Variants in PARP9 observed in about 807,000 individuals in gnomAD.
The protein encoded by PARP9 is protein mono-ADP-ribosyltransferase PARP9.
A neutral mutation model predicts 68.8 loss-of-function variants in PARP9; 48 were observed. The ratio of observed to expected loss-of-function variants is 0.70; its 90% CI spans 0.55 to 0.89. The LOEUF (loss-of-function observed/expected upper bound fraction) is 0.89, where lower values mean the gene tolerates loss of function less well. Ranked by LOEUF, PARP9 falls within the 40% of genes least tolerant of loss-of-function variation. The probability of loss-of-function intolerance (pLI) is 0.00; values close to 1 mark genes in which losing one functional copy is unlikely to be tolerated. For missense variants in PARP9, 806 were observed against 969.3 expected (o/e 0.83, Z 2.24); for synonymous variants, 309 against 333.8 (o/e 0.93, Z 0.81).
rs760720869 is a variant in PARP9, at chr3:122,555,971, C to T, written c.200G>A (p.Gly67Asp). 1 of 1,613,800 alleles carries T rather than the reference C, an allele frequency of 6.2e-7. No homozygotes were observed. Among genetic ancestry groups the T allele is most frequent in the Non-Finnish European group, 8.5e-7 (1 of 1,179,964 alleles). Residue 67 changes from glycine (G) to aspartate (D), a missense_variant, in exon 4 of 11, where the codon GGC becomes GAC. Transcript: ENST00000682323. Reference sequence around the variant, plus strand: ...GAACACTTGCAGAGATTTGCTGTTGCCTTCCTGAACTGGAGAGACCAGGGT... The same window carrying T: ...GAACACTTGCAGAGATTTGCTGTTGTCTTCCTGAACTGGAGAGACCAGGGT... Reference protein sequence around the residue: ...ISTLVSPVQEGNSKSLQVFRK... With the variant: ...ISTLVSPVQEDNSKSLQVFRK...
At chr3:122,564,607 A>G (rs772325494), upstream of PARP9, 2 of 1,589,528 alleles carry the variant, frequency 1.3e-6, no homozygotes, top group African/African-American at 2.8e-5. Flanking sequence ...GTTCAGTGAA[A>G]GGGCAGGTGA....
In PARP9 at chr3:122,546,993, T is replaced by A. The variant is rs1261141242; in HGVS notation, c.1327-1504A>T. 2.7e-5 allele frequency among the ~76,000 whole-genome samples: 3 copies of A among 112,326 alleles called. No homozygotes were observed. In the Admixed American group the frequency reaches 2.7e-4, roughly 10 times the overall value. The allele number at this position is 112,326 out of a possible 152,430, so 73.7% of individuals were successfully genotyped here. On this transcript the variant is annotated intron_variant, in intron 6 of 10. Coordinates refer to ENST00000682323, the MANE Select transcript of PARP9 (RefSeq NM_001146105.2). ...CTATATATATATATATATATATATATATATATATATATATATATATACACA... is the reference window on the plus strand; with the variant it reads ...CTATATATATATATATATATATATAAATATATATATATATATATATACACA...
chr3:122,540,600 C>T lies in PARP9; in HGVS notation c.1637G>A (p.Arg546Lys), dbSNP rs1170484985. The T allele has an allele frequency of 6.2e-7, 1 of 1,614,144 alleles. No individual in the cohort carries two copies. Among genetic ancestry groups the T allele is most frequent in the East Asian group, 2.2e-5 (1 of 44,888 alleles). ...VSITEIISPGRTELEIEGARA... is the reference protein window; with the variant it reads ...VSITEIISPGKTELEIEGARA... ...GGCTCCTTCAATCTCTAACTCTGTC[C>T]TTCCTGGGCTGATAATTTCTGTGAT... The change falls in exon 8 of 11, where the codon AGG (arginine) becomes AAG (lysine). Residue 546 changes from arginine to lysine, a missense_variant. Transcript: ENST00000682323.
intron 10 of PARP9, chr3:122,534,598 T>C (rs1020621671): frequency 2.9e-6 from 1 of 349,288 alleles, no homozygotes; most frequent in Non-Finnish European, 4.0e-6. Context: ...GAGAACTGCC[T>C]GCTGGGCATG....
At chr3:122,558,493 T>TA (rs767813143) in intron 2 of PARP9, 26 bp from the exon 3 acceptor site, 3 of 1,612,442 alleles carry the variant, frequency 1.9e-6, no homozygotes, top group Admixed American at 1.7e-5. Flanking sequence ...ATGGCTTTCT[T>TA]AAAAAATGGA....
chr3:122,545,815 A>G (rs1198254408), intron 6 of PARP9: 3 of 276,388 alleles, frequency 1.1e-5, no homozygotes, highest in Non-Finnish European at 2.0e-5. Flanking sequence ...AAAGCTGTGG[A>G]TATGTCACTG....
At chr3:122,540,306 G>C (rs376904785) in intron 8 of PARP9, among the ~76,000 whole-genome samples, 166 bp downstream of exon 8, 18 of 152,254 alleles carry the variant, frequency 1.2e-4, no homozygotes, top group African/African-American at 4.1e-4. Flanking sequence ...TGTCAAAAGA[G>C]AGCAAAAAAA....
intron 10 of PARP9, chr3:122,535,328 C>T (rs1352722154): frequency 3.0e-6 from 3 of 985,098 alleles, no homozygotes; most frequent in East Asian, 1.1e-4. Context: ...ATGTTCTCTC[C>T]AGAACAAAGA....
chr3:122,530,131 C>G lies in PARP9; in HGVS notation c.2081-1388G>C, dbSNP rs1198487382. 1.3e-4 allele frequency among the ~76,000 whole-genome samples: 18 copies of G among 135,186 alleles called. No homozygotes were observed. The Admixed American group carries it at 1.4e-3, about 10-fold the overall frequency. 88.7% of individuals were successfully genotyped at this position (135,186 alleles called of 152,430 possible). ...GGTTGAGGTTGCAGTGAGCTGTGAT[C>G]GTGCCACTGCACTCCAACCTGGGTG... is the stretch of plus-strand genomic sequence containing the variant. On this transcript the variant is annotated intron_variant, in intron 10 of 10. Coordinates refer to ENST00000682323, the MANE Select transcript of PARP9 (RefSeq NM_001146105.2).
chr3:122,535,305 C>T (rs1266355850), intron 10 of PARP9: 1 of 985,126 alleles, frequency 1.0e-6, no homozygotes, highest in Admixed American at 6.2e-5. Context: ...AACATTTACC[C>T]CAAGTTTTGC....
intron 10 of PARP9, among the ~76,000 whole-genome samples, chr3:122,531,602 T>C (rs559366063): frequency 1.3e-5 from 2 of 152,290 alleles, no homozygotes; most frequent in Admixed American, 6.5e-5. Context: ...TGTATGTATA[T>C]AATTGTATGT....
intron 8 of PARP9, among the ~76,000 whole-genome samples, chr3:122,537,857 T>C (rs946702959): frequency 1.6e-4 from 24 of 152,126 alleles, no homozygotes; most frequent in Non-Finnish European, 2.4e-4. Flanking sequence ...CTTCCTTTTT[T>C]TCCTCCCATC....
At chr3:122,531,304 T>C (rs112317695) in intron 10 of PARP9, among the ~76,000 whole-genome samples, 1 of 152,368 alleles carries the variant, frequency 6.6e-6, no homozygotes, top group African/African-American at 2.4e-5. Flanking sequence ...ACAATTTATG[T>C]GGCAAGGTAA....
intron 6 of PARP9, 177 bp from the exon 7 acceptor site, chr3:122,545,666 T>C (rs1559839749): frequency 1.7e-6 from 1 of 598,882 alleles, no homozygotes. Context: ...CTCAGTCTAT[T>C]AGAACACGGA....
intron 10 of PARP9, among the ~76,000 whole-genome samples, chr3:122,531,301 A>C (rs1256073056): frequency 6.6e-6 from 1 of 152,226 alleles, no homozygotes; most frequent in Non-Finnish European, 1.5e-5. Flanking sequence ...AGTACAATTT[A>C]TGTGGCAAGG....
intron 10 of PARP9, 46 bp downstream of exon 10, chr3:122,536,122 A>G: frequency 4.3e-6 from 7 of 1,613,856 alleles, no homozygotes; most frequent in Non-Finnish European, 5.9e-6. Context: ...ATGTCAGCTC[A>G]CCAAATTCCA....
Position 122,552,576 on chromosome 3 carries a change from T to A in PARP9, c.949A>T (p.Ile317Phe). The part of the protein sequence containing the change: ...DITVGPVAKS[I>F]LQQAGVEMKS... ...ATTTCAACTCCTGCTTGTTGTAGAA[T>A]TGACTTTGCCACAGGTCCAACTGTA... The change falls in exon 5 of 11, where the codon ATT (isoleucine) becomes TTT (phenylalanine). Residue 317 changes from isoleucine (I) to phenylalanine (F), a missense_variant. By Grantham distance (21) the Ile-to-Phe change is conservative (BLOSUM62 0). Transcript: ENST00000682323. 1 of 1,614,130 alleles carries A rather than the reference T, an allele frequency of 6.2e-7. No individual in the cohort carries two copies. Among genetic ancestry groups the A allele is most frequent in the Non-Finnish European group, 8.5e-7 (1 of 1,180,008 alleles).
intron 9 of PARP9, 63 bp from the exon 10 acceptor site, chr3:122,536,405 T>C (rs1157860676): frequency 6.4e-7 from 1 of 1,556,948 alleles, no homozygotes; most frequent in African/African-American, 1.4e-5. Context: ...AATTGCCTGC[T>C]ATACTGCTTC....
chr3:122,543,130 C>T (rs888371630), intron 7 of PARP9, among the ~76,000 whole-genome samples: 2 of 151,476 alleles, frequency 1.3e-5, no homozygotes, highest in African/African-American at 4.9e-5. Flanking sequence ...AAACTGGTCT[C>T]GAACTCCTGA....
Sources: allele counts gnomAD v4.1 joint callset (sites outside exome capture counted in the v4.1 genomes callset), GRCh38; gene constraint gnomAD v4.1.1; transcripts MANE v1.5; gene names NCBI Gene and HGNC (gene_info 2026-07-23, HGNC 2026-07-21).